Variants in ROBO1 observed in about 807,000 individuals in gnomAD.
The protein encoded by ROBO1 is roundabout guidance receptor 1, also known as roundabout homolog 1.
Under a neutral mutation model 195.9 loss-of-function variants are expected in ROBO1, and 149 were observed. The observed-to-expected ratio is 0.76, with a 90% CI of 0.67 to 0.87. ROBO1 has a LOEUF of 0.87. ROBO1 is among the 40% of genes least tolerant of loss of function. The pLI, the probability that ROBO1 is intolerant of heterozygous loss-of-function variation, is 0.00. For synonymous variants in ROBO1, 816 were observed against 733.2 expected (o/e 1.11, Z -1.82); for missense variants, 1,933 against 2,068.3 (o/e 0.93, Z 1.27).
At chr3:78,963,090 GATAT>G (rs71127370) in intron 3 of ROBO1, among the ~76,000 whole-genome samples, 3 of 145,690 alleles carry the variant, frequency 2.1e-5, no homozygotes, top group Admixed American at 6.9e-5. Flanking sequence ...TCTCATACTT[GATAT>G]ATATATATAT....
chr3:79,502,626 C>T (rs1009998153), intron 2 of ROBO1, among the ~76,000 whole-genome samples: 1 of 152,146 alleles, frequency 6.6e-6, no homozygotes, highest in Non-Finnish European at 1.5e-5. Flanking sequence ...GCGGGACTGG[C>T]GGGTAGCTCC....
intron 3 of ROBO1, among the ~76,000 whole-genome samples, chr3:79,044,193 G>A (rs2078546691): frequency 6.6e-6 from 1 of 151,564 alleles, no homozygotes; most frequent in Non-Finnish European, 1.5e-5. Context: ...ATTTGTGTTA[G>A]CCTGCAGTTA....
chr3:79,564,390 C>A (rs1264939746), intron 2 of ROBO1, among the ~76,000 whole-genome samples: 1 of 151,978 alleles, frequency 6.6e-6, no homozygotes, highest in Non-Finnish European at 1.5e-5. Context: ...CATATGTCAT[C>A]CCGTGATCTA....
chr3:79,485,496 C>T (rs1302869333), intron 2 of ROBO1, among the ~76,000 whole-genome samples: 3 of 151,988 alleles, frequency 2.0e-5, no homozygotes, highest in African/African-American at 7.2e-5. Context: ...TTGAAAATGG[C>T]CTTTCCTAAT....
rs548372436 is a variant in ROBO1, at chr3:79,473,031, G to A, written c.88+116793C>T. ...GAAACACTTAATTAAAAACACAAGT[G>A]GGTTGAATTGATTCCTCCAAAAAGA... On this transcript the variant is annotated intron_variant, in intron 2 of 30. Coordinates refer to ENST00000464233, the MANE Select transcript of ROBO1 (RefSeq NM_002941.4). Among the ~76,000 whole-genome samples the A allele has an allele frequency of 1.9e-4, 29 of 152,174 alleles. No homozygotes were observed. In the South Asian group the frequency reaches 3.5e-3, roughly 18 times the overall value.
chr3:79,331,656 A>AG (rs1483704964), intron 2 of ROBO1, among the ~76,000 whole-genome samples: 1 of 139,286 alleles, frequency 7.2e-6, no homozygotes, highest in Non-Finnish European at 1.5e-5. Context: ...AAATTATTGC[A>AG]GAAAAAAAGT....
At chr3:79,280,426 A>C (rs1443608425) in intron 2 of ROBO1, among the ~76,000 whole-genome samples, 2 of 152,012 alleles carry the variant, frequency 1.3e-5, no homozygotes, top group East Asian at 1.9e-4. Context: ...TGGTAGAAAA[A>C]CCCTTATTAT....
intron 2 of ROBO1, among the ~76,000 whole-genome samples, chr3:79,142,395 A>T (rs1019043648): frequency 2.0e-5 from 3 of 152,124 alleles, no homozygotes; most frequent in Non-Finnish European, 4.4e-5. Flanking sequence ...GAGTCAAGTG[A>T]GATGTGACTA....
chr3:79,062,130 C>T (rs1050576346), intron 3 of ROBO1, among the ~76,000 whole-genome samples: 1 of 151,976 alleles, frequency 6.6e-6, no homozygotes, highest in African/African-American at 2.4e-5. Context: ...CCAGAATCTA[C>T]ACAGAACTTA....
intron 1 of ROBO1, among the ~76,000 whole-genome samples, chr3:79,681,228 C>G (rs543656648): frequency 2.0e-5 from 3 of 151,898 alleles, no homozygotes; most frequent in African/African-American, 7.2e-5. Flanking sequence ...TGGGTAGGAA[C>G]GGCTTTATGG....
intron 2 of ROBO1, among the ~76,000 whole-genome samples, chr3:79,240,671 G>C (rs2082496343): frequency 6.6e-6 from 1 of 151,994 alleles, no homozygotes; most frequent in Non-Finnish European, 1.5e-5. Context: ...TTTTGAGACA[G>C]AGTCTCACTC....
intron 1 of ROBO1, among the ~76,000 whole-genome samples, chr3:79,636,577 T>G (rs1419197502): frequency 6.6e-6 from 1 of 152,114 alleles, no homozygotes; most frequent in Non-Finnish European, 1.5e-5. Flanking sequence ...CACCATTCCT[T>G]TACTCCATTA....
At chr3:79,660,645 T>A (rs1189171278) in intron 1 of ROBO1, among the ~76,000 whole-genome samples, 1 of 152,134 alleles carries the variant, frequency 6.6e-6, no homozygotes, top group Non-Finnish European at 1.5e-5. Flanking sequence ...AAAATCTCTA[T>A]TCTTACAGGG....
chr3:78,636,935 T>TTATATATATATATATA lies in ROBO1; in HGVS notation c.3038-843_3038-828dup, dbSNP rs55894934. On this transcript the variant is annotated intron_variant, in intron 22 of 30. Transcript: ENST00000464233. ...TACATACATAATATATACATTCATTTTATATATATATATATATATATATAT... is the reference window on the plus strand; with the variant it reads ...TACATACATAATATATACATTCATTTTATATATATATATATATATATATATATATATATATATATAT... Among the ~76,000 whole-genome samples, 193 of 96,664 alleles carry TTATATATATATATATA rather than the reference T, an allele frequency of 2.0e-3. 4 individuals carry two copies. The highest frequency in any genetic ancestry group is 0.011 in the Middle Eastern group (1 of 92). 63.4% of individuals were successfully genotyped at this position (96,664 alleles called of 152,430 possible). A position where few individuals can be genotyped will look rare whatever the true frequency, so the allele number is the denominator to read the frequency against.
intron 3 of ROBO1, among the ~76,000 whole-genome samples, chr3:79,014,417 G>T (rs934254479): frequency 6.6e-6 from 1 of 152,152 alleles, no homozygotes; most frequent in Non-Finnish European, 1.5e-5. Context: ...AGGTTGCAGT[G>T]AGCCAAGATC....
intron 2 of ROBO1, among the ~76,000 whole-genome samples, chr3:79,325,557 C>T (rs573029774): frequency 6.6e-6 from 1 of 152,310 alleles, no homozygotes; most frequent in African/African-American, 2.4e-5. Context: ...GAGGGACCGG[C>T]TGAAGCCATG....
At chr3:79,239,025 A>G (rs1267969900) in intron 2 of ROBO1, among the ~76,000 whole-genome samples, 1 of 152,204 alleles carries the variant, frequency 6.6e-6, no homozygotes, top group Non-Finnish European at 1.5e-5. Context: ...AACACAGCAC[A>G]AAAGTCCTTT....
intron 4 of ROBO1, among the ~76,000 whole-genome samples, chr3:78,811,309 C>T (rs185250541): frequency 2.6e-5 from 4 of 152,258 alleles, no homozygotes; most frequent in Admixed American, 6.5e-5. Context: ...AAAGTCTGCA[C>T]ATTCTAGTGT....
intron 2 of ROBO1, among the ~76,000 whole-genome samples, chr3:79,288,892 A>G (rs958934348): frequency 6.6e-6 from 1 of 152,108 alleles, no homozygotes; most frequent in Non-Finnish European, 1.5e-5. Flanking sequence ...TAGTAGAATC[A>G]TCTTATTAAG....
Sources: allele counts gnomAD v4.1 joint callset (sites outside exome capture counted in the v4.1 genomes callset), GRCh38; gene constraint gnomAD v4.1.1; transcripts MANE v1.5; gene names NCBI Gene and HGNC (gene_info 2026-07-23, HGNC 2026-07-21).